Variants in VDAC1 observed in about 807,000 individuals in gnomAD.
VDAC1 encodes the protein non-selective voltage-gated ion channel VDAC1.
A neutral mutation model predicts 34.7 loss-of-function variants in VDAC1; 10 were observed. The ratio of observed to expected loss-of-function variants is 0.29; its 90% confidence interval spans 0.18 to 0.49. VDAC1 has a LOEUF of 0.49. Ranked by LOEUF, VDAC1 falls within the 20% of genes least tolerant of loss-of-function variation. The pLI is 0.99. For synonymous variants in VDAC1, 130 were observed against 136.0 expected, an observed-to-expected ratio of 0.96 and a Z score of 0.30; for missense variants, 230 against 347.9, an observed-to-expected ratio of 0.66 and a Z score of 2.69.
chr5:133,992,846 C>G, intron 2 of VDAC1, 100 bp downstream of exon 2: 1 of 1,161,622 alleles, frequency 8.6e-7, no homozygotes, highest in Non-Finnish European at 1.2e-6. Flanking sequence ...AAGTTCAGAA[C>G]AGCTGACCTA....
the VDAC1 span, among the ~76,000 whole-genome samples, chr5:134,107,285 G>A: frequency 2.6e-5 from 4 of 152,230 alleles, no homozygotes; most frequent in Admixed American, 2.6e-4. Flanking sequence ...TCCCTAGAGA[G>A]CCCCCAGCCT....
the VDAC1 span, among the ~76,000 whole-genome samples, chr5:134,114,002 T>C: frequency 6.6e-6 from 1 of 152,284 alleles, no homozygotes; most frequent in East Asian, 1.9e-4. Context: ...GAGGATCGGC[T>C]GAGGTCCGGT....
chr5:133,996,070 C>A (rs1479489062), intron 1 of VDAC1, among the ~76,000 whole-genome samples: 1 of 152,224 alleles, frequency 6.6e-6, no homozygotes, highest in Admixed American at 6.5e-5. Context: ...GCAGGGCAGT[C>A]TGGCATCGGC....
the VDAC1 span, among the ~76,000 whole-genome samples, chr5:134,068,411 C>CT: frequency 0.05 from 6,865 of 136,852 alleles, 250 homozygotes; most frequent in African/African-American, 0.1. Flanking sequence ...TTTCTCAGTG[C>CT]TTTTTTTTTT....
At chr5:134,035,106 A>C in the VDAC1 span, among the ~76,000 whole-genome samples, 1 of 152,104 alleles carries the variant, frequency 6.6e-6, no homozygotes, top group African/African-American at 2.4e-5. Context: ...GTGCTGCAAT[A>C]GCAAGGACCA....
chr5:133,987,277 C>A (rs931134382), intron 5 of VDAC1, among the ~76,000 whole-genome samples: 2 of 152,114 alleles, frequency 1.3e-5, no homozygotes, highest in African/African-American at 4.8e-5. Flanking sequence ...GGGAGGATCC[C>A]TTGAGCCAGG....
At chr5:134,002,687 G>T in intron 1 of VDAC1, among the ~76,000 whole-genome samples, 1 of 152,192 alleles carries the variant, frequency 6.6e-6, no homozygotes, top group East Asian at 1.9e-4. Context: ...GTCCAGGACC[G>T]GGCATGGTGG....
chr5:133,982,370 G>A lies in VDAC1; in HGVS notation c.324-1414C>T, dbSNP rs556644686. Reference sequence around the variant, plus strand: ...CTACTAAAAACACAAAAATTAGCTGGGCGCGGTGGTGGGCGTGTGTAATCC... The same window carrying A: ...CTACTAAAAACACAAAAATTAGCTGAGCGCGGTGGTGGGCGTGTGTAATCC... On this transcript the variant is annotated intron_variant, in intron 5 of 8. Transcript: ENST00000265333. 2.0e-5 allele frequency among the ~76,000 whole-genome samples: 3 copies of A among 151,842 alleles called. 1 individual carries two copies. Among genetic ancestry groups the A allele is most frequent in the Admixed American group, 2.0e-4 (3 of 15,252 alleles).
intron 6 of VDAC1, among the ~76,000 whole-genome samples, chr5:133,980,392 A>T (rs945494355): frequency 1.3e-5 from 2 of 152,212 alleles, no homozygotes; most frequent in Non-Finnish European, 2.9e-5. Flanking sequence ...AGAGAAAGAG[A>T]GCTGTTTTGT....
the VDAC1 span, among the ~76,000 whole-genome samples, chr5:134,051,236 C>T: frequency 6.6e-6 from 1 of 152,248 alleles, no homozygotes; most frequent in African/African-American, 2.4e-5. Flanking sequence ...AACTCTCCCA[C>T]AGCCCTCCAG....
chr5:134,082,269 A>G, the VDAC1 span, among the ~76,000 whole-genome samples: 1 of 152,334 alleles, frequency 6.6e-6, no homozygotes, highest in Middle Eastern at 3.4e-3. Context: ...GCTTTCTGTC[A>G]ATATAGATTC....
At chr5:133,983,840 G>T (rs906499565) in intron 5 of VDAC1, among the ~76,000 whole-genome samples, 1 of 151,838 alleles carries the variant, frequency 6.6e-6, no homozygotes, top group Non-Finnish European at 1.5e-5. Context: ...TGAGTTATGA[G>T]ATCTGGTTGT....
chr5:134,064,687 A>G, the VDAC1 span, among the ~76,000 whole-genome samples: 2 of 150,468 alleles, frequency 1.3e-5, no homozygotes, highest in African/African-American at 4.9e-5. Flanking sequence ...TAGAACTAAC[A>G]TAAAACTATT....
chr5:134,059,631 G>A, the VDAC1 span, among the ~76,000 whole-genome samples: 1 of 151,992 alleles, frequency 6.6e-6, no homozygotes, highest in Non-Finnish European at 1.5e-5. Flanking sequence ...AGCCATTTGG[G>A]CATCCTTGTC....
chr5:133,996,404 C>T (rs544374484), intron 1 of VDAC1, among the ~76,000 whole-genome samples: 3 of 152,234 alleles, frequency 2.0e-5, no homozygotes, highest in South Asian at 2.1e-4. Context: ...AATGAAAATC[C>T]GGCCCATACT....
At chr5:134,043,329 A>C in the VDAC1 span, among the ~76,000 whole-genome samples, 1 of 152,188 alleles carries the variant, frequency 6.6e-6, no homozygotes, top group Non-Finnish European at 1.5e-5. Context: ...GCTGAGGTTC[A>C]GAGAAGCAAA....
chr5:134,034,064 G>GA, the VDAC1 span, among the ~76,000 whole-genome samples: 1 of 151,862 alleles, frequency 6.6e-6, no homozygotes, highest in African/African-American at 2.4e-5. Flanking sequence ...AGGTGGGGAA[G>GA]AAAAAAGCTA....
At chr5:134,087,907 TAGG>T in the VDAC1 span, among the ~76,000 whole-genome samples, 1 of 150,634 alleles carries the variant, frequency 6.6e-6, no homozygotes, top group Admixed American at 6.6e-5. Context: ...CCCAGCACTT[TAGG>T]AGGCCAAGGC....
At chr5:134,090,159 C>T in the VDAC1 span, among the ~76,000 whole-genome samples, 2 of 152,198 alleles carry the variant, frequency 1.3e-5, no homozygotes, top group Non-Finnish European at 2.9e-5. Context: ...CCTCCGAGCA[C>T]TATCCATGCT....
Sources: gnomAD v4.1 joint callset for allele counts (sites outside exome capture counted in the v4.1 genomes callset) on GRCh38, gnomAD v4.1.1 for gene constraint, MANE v1.5 for transcripts, NCBI Gene and HGNC (gene_info 2026-07-23, HGNC 2026-07-21) for gene names.